The following GTF3C1 variants were observed in gnomAD, a reference collection of about 807,000 sequenced individuals.
The protein encoded by GTF3C1 is general transcription factor 3C polypeptide 1.
GTF3C1 carries 57 observed loss-of-function variants against 226.7 expected under a neutral mutation model. That is an observed-to-expected ratio of 0.25 (90% confidence interval 0.20 to 0.31). GTF3C1 has a LOEUF of 0.31. Among genes scored for constraint, GTF3C1 ranks in the 10% least tolerant of loss-of-function variants. GTF3C1 has a pLI of 1.00. For synonymous variants in GTF3C1, 1,090 were observed against 1,084.8 expected (o/e 1.00, Z -0.09); for missense variants, 2,217 against 2,776.1 (o/e 0.80, Z 4.53).
chr16:27,478,851 CAAAA>C (rs770105315), intron 27 of GTF3C1, among the ~76,000 whole-genome samples: 1 of 80,396 alleles, frequency 1.2e-5, no homozygotes. Context: ...TGTTACAATC[CAAAA>C]AAAAAAAAAA....
rs759608050 is a variant in GTF3C1 at position 27,502,903 on chromosome 16, G to A, written c.1863C>T (p.Ile621=). 4.3e-6 allele frequency: 7 copies of A among 1,610,506 alleles called. No homozygotes were observed. In the East Asian group the frequency reaches 6.7e-5, roughly 15 times the overall value. Residue 621 remains isoleucine (I), a synonymous_variant, in exon 11 of 37, where the codon ATC becomes ATT. Coordinates refer to ENST00000356183, the MANE Select transcript of GTF3C1 (RefSeq NM_001520.4). ...AGCGAAGATTGGTGACAGCTTCTATGATCAGATTCCTGCGTTTCAGCAGTC... is the reference window on the plus strand; with the variant it reads ...AGCGAAGATTGGTGACAGCTTCTATAATCAGATTCCTGCGTTTCAGCAGTC... ...TYRLLKRRNL[I]IEAVTNLRLI...
chr16:27,539,382 G>A (rs1490456288), intron 2 of GTF3C1, among the ~76,000 whole-genome samples: 1 of 152,226 alleles, frequency 6.6e-6, no homozygotes, highest in South Asian at 2.1e-4. Context: ...GCCCAAGTGA[G>A]AAGACTCATT....
chr16:27,497,879 G>A (rs2088344053), intron 13 of GTF3C1, 58 bp from the exon 14 acceptor site: 1 of 1,397,054 alleles, frequency 7.2e-7, no homozygotes, highest in Admixed American at 1.9e-5. Flanking sequence ...TAAGAGAAAG[G>A]ACAGAGTCTG....
At chr16:27,489,009 C>T in intron 21 of GTF3C1, 34 bp downstream of exon 21, 16 of 1,602,968 alleles carry the variant, frequency 1.0e-5, no homozygotes, top group African/African-American at 6.7e-5. Flanking sequence ...AGCGAGGACC[C>T]CTGAGATTGT....
intron 11 of GTF3C1, 116 bp from the exon 12 acceptor site, chr16:27,501,460 C>T (rs907609209): frequency 1.4e-5 from 13 of 910,080 alleles, no homozygotes; most frequent in Admixed American, 8.1e-5. Context: ...AAGGATCAAA[C>T]GGGGTTTCCC....
Position 27,492,412 on chromosome 16 carries a change from T to G in GTF3C1, c.3077A>C (p.Tyr1026Ser). ...RSSRPFERRLYVLNSMQDVEN... is the reference protein window; with the variant it reads ...RSSRPFERRLSVLNSMQDVEN... ...CACATCCTGCATTGAGTTCAGGACA[T>G]AGAGGCGCCTCTCGAAGGGCCGGCT... Residue 1026 changes from tyrosine to serine, a missense_variant, in exon 19 of 37, where the codon TAT becomes TCT. By Grantham distance (144) the Tyr-to-Ser change is moderately radical. Transcript: ENST00000356183. This position sits in a 1 kb window ranked among gnomAD's most constrained non-coding sequence, Gnocchi z 5.0. 1 of 1,611,418 alleles carries G rather than the reference T, an allele frequency of 6.2e-7. No homozygotes were observed.
intron 32 of GTF3C1, chr16:27,466,352 G>C (rs1348989587): frequency 6.6e-6 from 1 of 152,166 alleles, no homozygotes; most frequent in Non-Finnish European, 1.5e-5. Context: ...TGTGATCAGT[G>C]ATCTTTGCCC....
chr16:27,518,251 G>A (rs1428775750), intron 6 of GTF3C1, among the ~76,000 whole-genome samples: 1 of 152,064 alleles, frequency 6.6e-6, no homozygotes, highest in Non-Finnish European at 1.5e-5. Context: ...AGGGAACACT[G>A]AATGACGGAG....
intron 5 of GTF3C1, among the ~76,000 whole-genome samples, chr16:27,532,699 A>G (rs1205272288): frequency 3.3e-5 from 5 of 152,204 alleles, no homozygotes; most frequent in Non-Finnish European, 1.5e-5. Context: ...ACAAGATCAT[A>G]AGCTTGATTA....
At chr16:27,517,204 C>A (rs1434821538) in intron 6 of GTF3C1, among the ~76,000 whole-genome samples, 6 of 152,228 alleles carry the variant, frequency 3.9e-5, no homozygotes, top group Admixed American at 3.3e-4. Flanking sequence ...AAGGGACCAT[C>A]TGGAAGGAGT....
chr16:27,542,542 C>T (rs904196918), intron 2 of GTF3C1, among the ~76,000 whole-genome samples: 10 of 147,948 alleles, frequency 6.8e-5, no homozygotes, highest in Non-Finnish European at 1.2e-4. Flanking sequence ...GCCTGGGCGA[C>T]AAGAGCAAAA....
At chr16:27,497,349 A>G (rs550191323) in intron 14 of GTF3C1, among the ~76,000 whole-genome samples, 1 of 152,378 alleles carries the variant, frequency 6.6e-6, no homozygotes, top group South Asian at 2.1e-4. Context: ...AAGGACATTC[A>G]GCAGAAGAAA....
chr16:27,538,050 T>G, intron 3 of GTF3C1, 123 bp from the exon 4 acceptor site: 1 of 1,311,162 alleles, frequency 7.6e-7, no homozygotes, highest in Non-Finnish European at 1.1e-6. Flanking sequence ...AAGAAAACAG[T>G]CACTGTGAGA....
intron 22 of GTF3C1, 32 bp downstream of exon 22, chr16:27,488,522 T>C: frequency 1.3e-6 from 2 of 1,595,616 alleles, no homozygotes; most frequent in Admixed American, 1.7e-5. Context: ...GGTACCATAT[T>C]AACTTCTGGG....
intron 25 of GTF3C1, chr16:27,483,373 G>A (rs1268479909): frequency 8.1e-6 from 5 of 616,752 alleles, no homozygotes; most frequent in African/African-American, 3.6e-5. Context: ...ATAGGTAACC[G>A]AGAACACTGA....
chr16:27,499,932 G>A (rs1024786330), intron 12 of GTF3C1, among the ~76,000 whole-genome samples: 5 of 152,182 alleles, frequency 3.3e-5, no homozygotes, highest in East Asian at 1.9e-4. Flanking sequence ...TGCACACGAC[G>A]GAAGCCCCTT....
chr16:27,485,497 C>A (rs1457716399), intron 24 of GTF3C1, among the ~76,000 whole-genome samples: 1 of 152,136 alleles, frequency 6.6e-6, no homozygotes, highest in Non-Finnish European at 1.5e-5. Context: ...ACATGATGGG[C>A]AGTTACAGGA....
intron 12 of GTF3C1, among the ~76,000 whole-genome samples, chr16:27,498,980 G>A (rs2088363964): frequency 6.6e-6 from 1 of 152,206 alleles, no homozygotes; most frequent in African/African-American, 2.4e-5. Flanking sequence ...GTCCCACTGA[G>A]AAATCTGGCC....
intron 6 of GTF3C1, among the ~76,000 whole-genome samples, chr16:27,527,545 T>TCCTA (rs1431608117): frequency 6.6e-6 from 1 of 152,216 alleles, no homozygotes; most frequent in Non-Finnish European, 1.5e-5. Flanking sequence ...AAGGCTCAGA[T>TCCTA]CCTACCTCTG....
Sources: allele counts gnomAD v4.1 joint callset (sites outside exome capture counted in the v4.1 genomes callset), GRCh38; gene constraint gnomAD v4.1.1; non-coding constraint Gnocchi (gnomAD v3.1); transcripts MANE v1.5; gene names NCBI Gene and HGNC (gene_info 2026-07-23, HGNC 2026-07-21).